Variants in CRYGA observed in about 807,000 individuals in gnomAD.
The protein encoded by CRYGA is gamma-crystallin A.
CRYGA carries 11 observed loss-of-function variants against 13.8 expected under a neutral mutation model. The observed-to-expected ratio is 0.80, with a 90% CI of 0.50 to 1.32. The LOEUF (loss-of-function observed/expected upper bound fraction) is 1.32, where lower values mean the gene tolerates loss of function less well. CRYGA is among the 40% of genes most tolerant of loss of function. CRYGA has a pLI of 0.00. For synonymous variants in CRYGA, 97 were observed against 89.3 expected (o/e 1.09, Z -0.48); for missense variants, 271 against 234.1 (o/e 1.16, Z -1.03).
Position 208,160,870 on chromosome 2 carries a change from C to G in CRYGA, c.459G>C (p.Arg153Ser), listed in dbSNP as rs201293779. Residue 153 changes from arginine to serine, a missense_variant, in exon 3 of 3, where the codon AGG (arginine) becomes AGC (serine). Transcript: ENST00000304502. ...CATCTGCACCCCCCCAGTCGTGGTA[C>G]CTTCTGTAGTCCCCAGGCCTCAGCA... is the stretch of plus-strand genomic sequence containing the variant. ...QYLLRPGDYR[R>S]YHDWGGADAK... 1 of 1,612,168 alleles carries G rather than the reference C, an allele frequency of 6.2e-7. No individual in the cohort carries two copies. Among genetic ancestry groups the G allele is most frequent in the Non-Finnish European group, 8.5e-7 (1 of 1,178,286 alleles).
chr2:208,160,878 A>T lies in CRYGA; in HGVS notation c.451T>A (p.Tyr151Asn), dbSNP rs1436546321. Reference sequence around the variant, plus strand: ...CCCCCCCAGTCGTGGTACCTTCTGTAGTCCCCAGGCCTCAGCAGATACTGC... The same window carrying T: ...CCCCCCCAGTCGTGGTACCTTCTGTTGTCCCCAGGCCTCAGCAGATACTGC... ...GRQYLLRPGD[Y>N]RRYHDWGGAD... Residue 151 changes from tyrosine (Y) to asparagine (N), a missense_variant, in exon 3 of 3, where the codon TAC becomes AAC. By Grantham distance (143) the Tyr-to-Asn change is moderately radical (BLOSUM62 -2). Coordinates refer to ENST00000304502, the MANE Select transcript of CRYGA (RefSeq NM_014617.4). The T allele has an allele frequency of 3.1e-6, 5 of 1,611,886 alleles. No homozygotes were observed. The highest frequency in any genetic ancestry group is 4.2e-6 in the Non-Finnish European group (5 of 1,178,188).
chr2:208,162,337 T>C (rs1373131732), intron 2 of CRYGA, among the ~76,000 whole-genome samples: 1 of 152,190 alleles, frequency 6.6e-6, no homozygotes, highest in East Asian at 1.9e-4. Flanking sequence ...TAAGCAGCAT[T>C]TTGATGAGGA....
Position 208,160,741 on chromosome 2 carries a change from G to T in CRYGA, c.*63C>A. 2.2e-6 allele frequency: 2 copies of T among 903,268 alleles called. No homozygotes were observed. The highest frequency in any genetic ancestry group is 1.7e-5 in the South Asian group (1 of 60,342). 56.0% of individuals were successfully genotyped at this position (903,268 alleles called of 1,614,324 possible). A position where few individuals can be genotyped will look rare whatever the true frequency, so the allele number is the denominator to read the frequency against. ...TAAAGATAAACAAGAGCCACTTAGT[G>T]CAGGGAACACAACTTGTATATTTAT... On this transcript the variant is annotated 3_prime_UTR_variant, in exon 3 of 3. Transcript: ENST00000304502.
At position 208,163,250 on chromosome 2, in the gene CRYGA, C is replaced by G. The variant is rs749333355; in HGVS notation, c.206G>C (p.Trp69Ser). The G allele has an allele frequency of 1.9e-6, 3 of 1,614,014 alleles. No individual in the cohort carries two copies. The South Asian group carries it at 3.3e-5, about 18-fold the overall frequency. ...TTGGACCGAGTCGCTGAGGCCCATCCAGTGCTGATAGTCGGGGTACTTGCC... is the reference window on the plus strand; with the variant it reads ...TTGGACCGAGTCGCTGAGGCCCATCGAGTGCTGATAGTCGGGGTACTTGCC... ...RRGKYPDYQH[W>S]MGLSDSVQSC... is the part of the protein sequence containing the mutation. Residue 69 changes from tryptophan (W) to serine (S), a missense_variant, in exon 2 of 3, where the codon TGG becomes TCG. Transcript: ENST00000304502.
Position 208,163,566 on chromosome 2 carries a change from C to T in CRYGA, c.-10G>A, listed in dbSNP as rs775831512. On this transcript the variant is annotated 5_prime_UTR_variant, in exon 1 of 3. Transcript: ENST00000304502. ...GGCTCACCTTCCCCATGGTTGTTGA[C>T]AGAGGGTGATTAGCATCTAGTATGA... 2 of 1,609,258 alleles carry T rather than the reference C, an allele frequency of 1.2e-6. No homozygotes were observed. The highest frequency in any genetic ancestry group is 1.7e-6 in the Non-Finnish European group (2 of 1,179,028).
In CRYGA at chr2:208,163,562, T is replaced by C. The variant is rs1363186323; in HGVS notation, c.-6A>G. On this transcript the variant is annotated 5_prime_UTR_variant, in exon 1 of 3. Coordinates refer to ENST00000304502, the MANE Select transcript of CRYGA (RefSeq NM_014617.4). ...CACAGGCTCACCTTCCCCATGGTTGTTGACAGAGGGTGATTAGCATCTAGT... is the reference window on the plus strand; with the variant it reads ...CACAGGCTCACCTTCCCCATGGTTGCTGACAGAGGGTGATTAGCATCTAGT... 7 of 1,609,138 alleles carry C rather than the reference T, an allele frequency of 4.4e-6. No individual in the cohort carries two copies. The East Asian group carries it at 1.1e-4, about 26-fold the overall frequency.
At position 208,163,232 on chromosome 2, in the gene CRYGA, G is replaced by A. The variant is rs143962326; in HGVS notation, c.224C>T (p.Ser75Leu). 1.2e-5 allele frequency: 19 copies of A among 1,613,708 alleles called. No homozygotes were observed. The African/African-American group carries it at 1.6e-4, about 14-fold the overall frequency. Residue 75 changes from serine (S) to leucine (L), a missense_variant, in exon 2 of 3, where the codon TCG (serine) becomes TTG (leucine). Coordinates refer to ENST00000304502, the MANE Select transcript of CRYGA (RefSeq NM_014617.4). ...DYQHWMGLSD[S>L]VQSCRIIPHT... ...AGGAATTATACGGCAGGATTGGACC[G>A]AGTCGCTGAGGCCCATCCAGTGCTG...
At chr2:208,161,254 C>A (rs536488192) in intron 2 of CRYGA, among the ~76,000 whole-genome samples, 178 bp from the exon 3 acceptor site, 1 of 152,254 alleles carries the variant, frequency 6.6e-6, no homozygotes, top group East Asian at 1.9e-4. Context: ...CTCACTGCAA[C>A]TTTCACCTCC....
At chr2:208,162,867 A>G (rs1695787565) in intron 2 of CRYGA, among the ~76,000 whole-genome samples, 1 of 151,060 alleles carries the variant, frequency 6.6e-6, no homozygotes, top group Non-Finnish European at 1.5e-5. Flanking sequence ...TTATCTAGAT[A>G]AACTAGATAG....
intron 2 of CRYGA, among the ~76,000 whole-genome samples, chr2:208,162,066 A>C (rs1695770186): frequency 6.6e-6 from 1 of 152,012 alleles, no homozygotes; most frequent in South Asian, 2.1e-4. Flanking sequence ...CCTCCTGCTT[A>C]GCTAGGACTA....
At position 208,163,584 on chromosome 2, in the gene CRYGA, T is replaced by C; in HGVS notation, c.-28A>G. 6.2e-7 allele frequency: 1 copy of C among 1,605,736 alleles called. No individual in the cohort carries two copies. Among genetic ancestry groups the C allele is most frequent in the East Asian group, 2.2e-5 (1 of 44,730 alleles). ...TTGTTGACAGAGGGTGATTAGCATC[T>C]AGTATGATAGGGACAAAGGGGCAAC... On this transcript the variant is annotated 5_prime_UTR_variant, in exon 1 of 3. Transcript: ENST00000304502.
rs760632602 is a variant in CRYGA, at chr2:208,160,909, C to A, written c.420G>T (p.Arg140=). The A allele has an allele frequency of 6.2e-7, 1 of 1,612,606 alleles. No individual in the cohort carries two copies. Among genetic ancestry groups the A allele is most frequent in the Non-Finnish European group, 8.5e-7 (1 of 1,178,734 alleles). Residue 140 remains arginine, a synonymous_variant, in exon 3 of 3, where the codon CGG becomes CGT. Coordinates refer to ENST00000304502, the MANE Select transcript of CRYGA (RefSeq NM_014617.4). ...CAGGCCTCAGCAGATACTGCCGCCC[C>A]CGGTAGTTGGGCATTTCATAGAGGA... ...CWVLYEMPNY[R]GRQYLLRPGD...
At chr2:208,161,946 T>A (rs971042723) in intron 2 of CRYGA, among the ~76,000 whole-genome samples, 1 of 152,174 alleles carries the variant, frequency 6.6e-6, no homozygotes, top group Non-Finnish European at 1.5e-5. Flanking sequence ...TTTATTTTTT[T>A]ATTTTTTTTT....
chr2:208,161,336 C>T (rs1400271775), intron 2 of CRYGA, among the ~76,000 whole-genome samples: 1 of 151,856 alleles, frequency 6.6e-6, no homozygotes, highest in African/African-American at 2.4e-5. Flanking sequence ...TGACACCCGG[C>T]TAATTTATTT....
At chr2:208,162,629 C>CACCTGAGGTT (rs1695780984) in intron 2 of CRYGA, among the ~76,000 whole-genome samples, 1 of 4,602 alleles carries the variant, frequency 2.2e-4, no homozygotes, top group African/African-American at 4.9e-4. Flanking sequence ...AGGCCGAGGT[C>CACCTGAGGTT]GGGAGTTCGA....
At position 208,163,206 on chromosome 2, in the gene CRYGA, G is replaced by T; in HGVS notation, c.250C>A (p.His84Asn). 5 of 1,612,030 alleles carry T rather than the reference G, an allele frequency of 3.1e-6. No homozygotes were observed. The highest frequency in any genetic ancestry group is 4.2e-6 in the Non-Finnish European group (5 of 1,178,950). Residue 84 changes from histidine to asparagine, a missense_variant and splice_region_variant, in exon 2 of 3, where the codon CAT becomes AAT. His to Asn is a moderately conservative substitution (Grantham distance 68). Coordinates refer to ENST00000304502, the MANE Select transcript of CRYGA (RefSeq NM_014617.4). ...DSVQSCRIIP[H>N]TSSHKLRLYE... Reference sequence around the variant, plus strand: ...AGTCAAGTTGAAGCAAGACTCACATGAGGAATTATACGGCAGGATTGGACC... The same window carrying T: ...AGTCAAGTTGAAGCAAGACTCACATTAGGAATTATACGGCAGGATTGGACC...
chr2:208,162,333 G>T (rs1167263296), intron 2 of CRYGA, among the ~76,000 whole-genome samples: 4 of 152,156 alleles, frequency 2.6e-5, no homozygotes, highest in African/African-American at 9.7e-5. Context: ...AGATTAAGCA[G>T]CATTTTGATG....
rs766174390 is a variant in CRYGA at position 208,163,413 on chromosome 2, G to T, written c.43C>A (p.Arg15Ser). Residue 15 changes from arginine (R) to serine (S), a missense_variant, in exon 2 of 3, where the codon CGC (arginine) becomes AGC (serine). Coordinates refer to ENST00000304502, the MANE Select transcript of CRYGA (RefSeq NM_014617.4). ...TFYEDRDFQG[R>S]CYNCISDCPN... ...CAGTCACTGATGCAATTGTAGCAGC[G>T]ACCCTGAAAGTCTCGGTCCTCGTAG... 2.5e-6 allele frequency: 4 copies of T among 1,613,852 alleles called. No homozygotes were observed. In the East Asian group the frequency reaches 8.9e-5, roughly 36 times the overall value.
Position 208,163,462 on chromosome 2 carries a change from G to A in CRYGA, c.10-16C>T, listed in dbSNP as rs1479099738. 1.2e-6 allele frequency: 2 copies of A among 1,613,202 alleles called. No individual in the cohort carries two copies. Among genetic ancestry groups the A allele is most frequent in the Non-Finnish European group, 1.7e-6 (2 of 1,179,898 alleles). ...AGAAGGTGATCTGAGGTAGAAATAA[G>A]GTGACAGTAGACAGTCAGCTGGAAG... On this transcript the variant is annotated splice_polypyrimidine_tract_variant and intron_variant, in intron 1 of 2. Coordinates refer to ENST00000304502, the MANE Select transcript of CRYGA (RefSeq NM_014617.4).
Sources: allele counts gnomAD v4.1 joint callset (sites outside exome capture counted in the v4.1 genomes callset), GRCh38; gene constraint gnomAD v4.1.1; transcripts MANE v1.5; gene names NCBI Gene and HGNC (gene_info 2026-07-23, HGNC 2026-07-21).